Variants in EPHA6 observed in about 807,000 individuals in gnomAD.
EPHA6 encodes ephrin type-A receptor 6.
A neutral mutation model predicts 112.0 loss-of-function variants in EPHA6; 50 were observed. The observed-to-expected ratio is 0.45, with a 90% CI of 0.36 to 0.56. EPHA6 has a LOEUF of 0.56. Ranked by LOEUF, EPHA6 falls within the 20% of genes least tolerant of loss-of-function variation. The probability of loss-of-function intolerance (pLI) is 0.00; values close to 1 mark genes in which losing one functional copy is unlikely to be tolerated. For missense variants in EPHA6, 1,280 were observed against 1,417.4 expected (o/e 0.90, Z 1.56); for synonymous variants, 529 against 490.7 (o/e 1.08, Z -1.03).
At chr3:97,314,195 T>A (rs2081699064) in intron 5 of EPHA6, among the ~76,000 whole-genome samples, 1 of 151,522 alleles carries the variant, frequency 6.6e-6, no homozygotes, top group Admixed American at 6.6e-5. Context: ...GTAAACATGG[T>A]GTTTATTTCT....
chr3:96,851,673 T>TA (rs2035396421), intron 1 of EPHA6, among the ~76,000 whole-genome samples: 1 of 152,130 alleles, frequency 6.6e-6, no homozygotes, highest in Non-Finnish European at 1.5e-5. Context: ...AAGATGCTTC[T>TA]AACAGGCACT....
chr3:96,843,550 G>T (rs1351944246), intron 1 of EPHA6, among the ~76,000 whole-genome samples: 1 of 152,002 alleles, frequency 6.6e-6, no homozygotes, highest in African/African-American at 2.4e-5. Flanking sequence ...GCGAGGTGGC[G>T]GTGAACAGGT....
intron 14 of EPHA6, among the ~76,000 whole-genome samples, chr3:97,679,473 T>G (rs1423468614): frequency 6.6e-6 from 1 of 152,168 alleles, no homozygotes; most frequent in Non-Finnish European, 1.5e-5. Flanking sequence ...AAAACAAGGT[T>G]GCAGGAAGCT....
chr3:96,895,126 T>C (rs1184832924), intron 2 of EPHA6, among the ~76,000 whole-genome samples: 1 of 152,152 alleles, frequency 6.6e-6, no homozygotes, highest in Non-Finnish European at 1.5e-5. Context: ...ATTGCCATCA[T>C]ACGAAATGGC....
chr3:97,448,773 A>T, intron 7 of EPHA6, 43 bp downstream of exon 7: 1 of 1,596,024 alleles, frequency 6.3e-7, no homozygotes. Context: ...TGAATTTAGT[A>T]TCATTCCAAT....
chr3:97,696,680 T>A (rs1323960304), intron 14 of EPHA6, among the ~76,000 whole-genome samples: 1 of 152,128 alleles, frequency 6.6e-6, no homozygotes, highest in Non-Finnish European at 1.5e-5. Context: ...GATCCTAACA[T>A]AATAATAATT....
chr3:96,874,941 G>A (rs758959769), intron 2 of EPHA6, among the ~76,000 whole-genome samples: 44 of 151,998 alleles, frequency 2.9e-4, no homozygotes, highest in Admixed American at 1.3e-3. Context: ...CTAAAGGGAG[G>A]CCATTCAGTA....
chr3:97,738,504 A>G (rs1271271369), intron 16 of EPHA6, among the ~76,000 whole-genome samples: 2 of 152,124 alleles, frequency 1.3e-5, no homozygotes, highest in African/African-American at 2.4e-5. Context: ...TTTCAAGATT[A>G]TGAATGATCA....
intron 13 of EPHA6, among the ~76,000 whole-genome samples, chr3:97,629,564 C>A (rs545418959): frequency 1.3e-5 from 2 of 151,984 alleles, no homozygotes; most frequent in Admixed American, 1.3e-4. Context: ...TCTTCTTTTG[C>A]ATACAAAACT....
intron 5 of EPHA6, among the ~76,000 whole-genome samples, chr3:97,369,616 A>G (rs1006410600): frequency 1.3e-5 from 2 of 152,110 alleles, no homozygotes; most frequent in Non-Finnish European, 2.9e-5. Context: ...AATTGCTCTC[A>G]TCTTGTTTTC....
intron 3 of EPHA6, among the ~76,000 whole-genome samples, chr3:97,146,966 C>T (rs1002553126): frequency 1.3e-5 from 2 of 152,012 alleles, no homozygotes; most frequent in African/African-American, 2.4e-5. Flanking sequence ...ATTTGTCATG[C>T]TCTTCCTTGA....
intron 3 of EPHA6, among the ~76,000 whole-genome samples, chr3:97,058,125 A>C (rs2045908290): frequency 6.6e-6 from 1 of 152,158 alleles, no homozygotes; most frequent in South Asian, 2.1e-4. Flanking sequence ...TGTCATTATA[A>C]AATTTAATAA....
chr3:97,312,652 T>C (rs942656308), intron 5 of EPHA6, among the ~76,000 whole-genome samples: 5 of 151,612 alleles, frequency 3.3e-5, no homozygotes, highest in African/African-American at 1.2e-4. Flanking sequence ...TCAAATTGGA[T>C]TGAAGAAGTT....
chr3:97,205,545 A>G (rs369486471), intron 3 of EPHA6, among the ~76,000 whole-genome samples: 7 of 152,066 alleles, frequency 4.6e-5, no homozygotes, highest in African/African-American at 1.7e-4. Flanking sequence ...CACAGTATGC[A>G]TGGAATGGGA....
intron 6 of EPHA6, among the ~76,000 whole-genome samples, chr3:97,408,695 A>G (rs1051592602): frequency 6.6e-6 from 1 of 151,900 alleles, no homozygotes; most frequent in African/African-American, 2.4e-5. Flanking sequence ...GCAGAAGGGT[A>G]TGGGAGTTCT....
intron 2 of EPHA6, among the ~76,000 whole-genome samples, chr3:96,931,643 A>G (rs900803838): frequency 1.3e-5 from 2 of 152,222 alleles, no homozygotes; most frequent in Admixed American, 1.3e-4. Context: ...GCAGGCTGGA[A>G]TGGCTGAGTC....
intron 17 of EPHA6, 54 bp from the exon 18 acceptor site, chr3:97,748,532 TC>T: frequency 1.2e-6 from 1 of 823,840 alleles, no homozygotes; most frequent in Admixed American, 1.9e-5. Flanking sequence ...TCTCTCTCTC[TC>T]TCTCTTTCTT....
At chr3:96,950,901 G>A (rs1043858429) in intron 2 of EPHA6, among the ~76,000 whole-genome samples, 1 of 151,968 alleles carries the variant, frequency 6.6e-6, no homozygotes, top group African/African-American at 2.4e-5. Flanking sequence ...AAGAGAATTA[G>A]TGATGGCTAA....
chr3:97,036,657 A>G (rs1028210900), intron 3 of EPHA6, among the ~76,000 whole-genome samples: 5 of 152,036 alleles, frequency 3.3e-5, no homozygotes, highest in African/African-American at 1.2e-4. Flanking sequence ...CTTGAGCTCT[A>G]TTCTAGGCAG....
Sources: gnomAD v4.1 joint callset for allele counts (sites outside exome capture counted in the v4.1 genomes callset) on GRCh38, gnomAD v4.1.1 for gene constraint, MANE v1.5 for transcripts, NCBI Gene and HGNC (gene_info 2026-07-23, HGNC 2026-07-21) for gene names.